The following BICC1 variants were observed in gnomAD, a reference collection of about 807,000 sequenced individuals.
BICC1 encodes the protein BicC family RNA binding protein 1.
A neutral mutation model predicts 111.0 loss-of-function variants in BICC1; 43 were observed. The ratio of observed to expected loss-of-function variants is 0.39; its 90% CI spans 0.30 to 0.50. The LOEUF is 0.50. Among genes scored for constraint, BICC1 ranks in the 20% least tolerant of loss-of-function variants. The probability of loss-of-function intolerance (pLI) is 0.88; values close to 1 mark genes in which losing one functional copy is unlikely to be tolerated. For synonymous variants in BICC1, 467 were observed against 434.4 expected (o/e 1.07, Z -0.93); for missense variants, 1,091 against 1,203.2 (o/e 0.91, Z 1.38).
At chr10:58,785,149 G>T in intron 4 of BICC1, 69 bp downstream of exon 4, 3 of 863,306 alleles carry the variant, frequency 3.5e-6, no homozygotes, top group Non-Finnish European at 5.2e-6. Context: ...ATGCCGTTAT[G>T]AAAGAACCAT....
chr10:58,794,112 T>G (rs1386024959), intron 9 of BICC1, among the ~76,000 whole-genome samples: 4 of 152,002 alleles, frequency 2.6e-5, no homozygotes, highest in Non-Finnish European at 5.9e-5. Flanking sequence ...TAGAATCTGG[T>G]AACTTGAAGC....
chr10:58,659,843 C>T lies in BICC1; in HGVS notation c.237+38942C>T, dbSNP rs1838783194. On this transcript the variant is annotated intron_variant, in intron 2 of 20. Transcript: ENST00000373886. ...AAAATAAAAATCTGAGAAACAGAAG[C>T]ACTTGAGAAGAAGGTAAAAATATAT... is the stretch of plus-strand genomic sequence containing the variant. 2.6e-5 allele frequency among the ~76,000 whole-genome samples: 4 copies of T among 152,098 alleles called. No individual in the cohort carries two copies. The South Asian group carries it at 8.3e-4, about 31-fold the overall frequency.
intron 3 of BICC1, among the ~76,000 whole-genome samples, chr10:58,728,785 G>A (rs953296404): frequency 6.6e-5 from 10 of 152,158 alleles, no homozygotes; most frequent in East Asian, 3.9e-4. Flanking sequence ...GTTAGCAGGC[G>A]TAAAAACATT....
intron 2 of BICC1, among the ~76,000 whole-genome samples, chr10:58,629,123 G>A (rs1837717913): frequency 1.3e-5 from 2 of 152,194 alleles, no homozygotes; most frequent in Admixed American, 1.3e-4. Flanking sequence ...AAAGGACTCA[G>A]CCACAGGGTG....
At chr10:58,697,863 GA>G (rs1458442234) in intron 2 of BICC1, among the ~76,000 whole-genome samples, 1 of 151,636 alleles carries the variant, frequency 6.6e-6, no homozygotes, top group African/African-American at 2.4e-5. Flanking sequence ...CTCCAGTACT[GA>G]AGTTCCTAGA....
chr10:58,610,908 A>G (rs1845396900), intron 1 of BICC1, among the ~76,000 whole-genome samples: 1 of 152,180 alleles, frequency 6.6e-6, no homozygotes, highest in Admixed American at 6.5e-5. Flanking sequence ...GGCCTAAATG[A>G]TTAAAGCTTC....
At chr10:58,683,681 TGTTATTGGTGTATA>T (rs528198957) in intron 2 of BICC1, among the ~76,000 whole-genome samples, 19 of 152,220 alleles carry the variant, frequency 1.2e-4, no homozygotes, top group Non-Finnish European at 2.1e-4. Context: ...GCTGTCTGTC[TGTTATTGGTGTATA>T]GGAGTGCTTG....
chr10:58,627,961 G>T (rs1405833319), intron 2 of BICC1, among the ~76,000 whole-genome samples: 2 of 152,108 alleles, frequency 1.3e-5, no homozygotes, highest in African/African-American at 4.8e-5. Context: ...CATACTTTTT[G>T]GAAATATTTA....
chr10:58,751,777 C>T (rs1004070387), intron 3 of BICC1, among the ~76,000 whole-genome samples: 1 of 152,080 alleles, frequency 6.6e-6, no homozygotes, highest in African/African-American at 2.4e-5. Flanking sequence ...TTTAATTTAA[C>T]TTCTTTGTAT....
At chr10:58,601,168 A>ATATATATATATATATATATATC (rs1182289120) in intron 1 of BICC1, among the ~76,000 whole-genome samples, 6 of 139,338 alleles carry the variant, frequency 4.3e-5, no homozygotes, top group Non-Finnish European at 7.7e-5. Flanking sequence ...ATATATATAT[A>ATATATATATATATATATATATC]TATCTCCCAA....
Position 58,789,397 on chromosome 10 carries a change from C to T in BICC1, c.736C>T (p.Arg246Ter). The T allele has an allele frequency of 3.1e-6, 5 of 1,613,994 alleles. No homozygotes were observed. Among genetic ancestry groups the T allele is most frequent in the Non-Finnish European group, 4.2e-6 (5 of 1,179,962 alleles). Residue 246 changes from arginine (R) to a stop codon, truncating the protein, a stop_gained, in exon 7 of 21, where the codon CGA becomes TGA. Coordinates refer to ENST00000373886, the MANE Select transcript of BICC1 (RefSeq NM_001080512.3). LOFTEE classifies it high-confidence loss of function. ...TTCAGTATCATTTAAACAGCGTTCC[C>T]GAATGTATGGTGCTACTGTCATAGT... ...NISVSFKQRS[R>*]MYGATVIVRG...
chr10:58,775,774 G>A (rs960866158), intron 3 of BICC1, among the ~76,000 whole-genome samples: 5 of 152,142 alleles, frequency 3.3e-5, no homozygotes, highest in Non-Finnish European at 7.3e-5. Context: ...AGTAGAGTGA[G>A]AAGAAGGCAG....
chr10:58,521,993 CTT>C (rs145433659), intron 1 of BICC1, among the ~76,000 whole-genome samples: 1,544 of 151,780 alleles, frequency 0.01, 22 homozygotes, highest in African/African-American at 0.036. Context: ...GAATCAGACT[CTT>C]TTCTTTCTTT....
chr10:58,811,196 T>C (rs1252069187), intron 17 of BICC1, among the ~76,000 whole-genome samples: 1 of 152,204 alleles, frequency 6.6e-6, no homozygotes, highest in Admixed American at 6.6e-5. Flanking sequence ...AAAGGCTGCT[T>C]TGACCTGCAG....
At chr10:58,514,506 A>C (rs1285574028) in intron 1 of BICC1, among the ~76,000 whole-genome samples, 1 of 152,210 alleles carries the variant, frequency 6.6e-6, no homozygotes, top group Non-Finnish European at 1.5e-5. Flanking sequence ...TAAGCAGGTT[A>C]TTTTAAGAGA....
In BICC1 at chr10:58,803,707, T is replaced by C. The variant is rs550799633; in HGVS notation, c.2181+465T>C. On this transcript the variant is annotated intron_variant, in intron 15 of 20. Coordinates refer to ENST00000373886, the MANE Select transcript of BICC1 (RefSeq NM_001080512.3). ...CTTTGAAACTAGATGATGAATATTA[T>C]TGATGATTGTGTTGGTTCACAGATT... Among the ~76,000 whole-genome samples the C allele has an allele frequency of 5.1e-4, 77 of 152,332 alleles. 1 individual carries two copies. The South Asian group carries it at 0.012, about 23-fold the overall frequency.
At chr10:58,795,133 G>A (rs1037656480) in intron 9 of BICC1, among the ~76,000 whole-genome samples, 2 of 151,988 alleles carry the variant, frequency 1.3e-5, no homozygotes, top group East Asian at 3.9e-4. Context: ...ACAAAAATCC[G>A]AAATAAGAAA....
intron 1 of BICC1, among the ~76,000 whole-genome samples, chr10:58,552,060 C>A (rs1843309938): frequency 6.6e-6 from 1 of 151,148 alleles, no homozygotes; most frequent in South Asian, 2.1e-4. Context: ...ACTTCTTTGT[C>A]ATTTTCAAGG....
intron 3 of BICC1, among the ~76,000 whole-genome samples, chr10:58,712,449 C>T (rs1319112464): frequency 6.6e-6 from 1 of 152,148 alleles, no homozygotes; most frequent in Non-Finnish European, 1.5e-5. Flanking sequence ...AACTCGGAAA[C>T]AACCAAGATG....
Sources: allele counts gnomAD v4.1 joint callset (sites outside exome capture counted in the v4.1 genomes callset), GRCh38; gene constraint gnomAD v4.1.1; transcripts MANE v1.5; gene names NCBI Gene and HGNC (gene_info 2026-07-23, HGNC 2026-07-21).